The following WDR27 variants were observed in gnomAD, a reference collection of about 807,000 sequenced individuals.
WDR27 encodes the protein WD repeat-containing protein 27.
Under a neutral mutation model 114.4 loss-of-function variants are expected in WDR27, and 100 were observed. That is an observed-to-expected ratio of 0.87 (90% confidence interval 0.74 to 1.03). The LOEUF is 1.03. Among genes scored for constraint, WDR27 ranks in the 50% least tolerant of loss-of-function variants. The pLI, the probability that WDR27 is intolerant of heterozygous loss-of-function variation, is 0.00. For synonymous variants in WDR27, 449 were observed against 423.1 expected (o/e 1.06, Z -0.75); for missense variants, 1,129 against 1,092.9 (o/e 1.03, Z -0.47).
At chr6:169,430,966 G>A in the WDR27 span, among the ~76,000 whole-genome samples, 1,125 of 152,198 alleles carry the variant, frequency 7.4e-3, 11 homozygotes, top group South Asian at 0.012. Context: ...TCAAGAGACC[G>A]GGGGTGGGAG....
intron 23 of WDR27, among the ~76,000 whole-genome samples, chr6:169,592,373 G>A (rs1039150805): frequency 6.6e-6 from 1 of 151,974 alleles, no homozygotes; most frequent in African/African-American, 2.4e-5. Context: ...CTACACTTCT[G>A]GGGGAAAAAA....
intron 25 of WDR27, among the ~76,000 whole-genome samples, chr6:169,535,654 C>T (rs1346521900): frequency 6.6e-6 from 1 of 152,178 alleles, no homozygotes; most frequent in South Asian, 2.1e-4. Context: ...ACGACCATGT[C>T]GTTTAACTTA....
At chr6:169,471,463 G>A (rs541022542) in intron 25 of WDR27, among the ~76,000 whole-genome samples, 1 of 152,180 alleles carries the variant, frequency 6.6e-6, no homozygotes, top group South Asian at 2.1e-4. Flanking sequence ...TCATTTTCAT[G>A]AGTTTGATTT....
chr6:169,649,798 TCTCTCGC>T (rs1194283641), intron 14 of WDR27, among the ~76,000 whole-genome samples: 1 of 141,602 alleles, frequency 7.1e-6, no homozygotes, highest in Non-Finnish European at 1.5e-5. Flanking sequence ...CCATCTCTCA[TCTCTCGC>T]CATCCATCCC....
intron 13 of WDR27, among the ~76,000 whole-genome samples, chr6:169,655,804 C>T (rs1477423102): frequency 6.6e-6 from 1 of 152,168 alleles, no homozygotes; most frequent in African/African-American, 2.4e-5. Flanking sequence ...ACTGCAACCT[C>T]CACCTCCTGG....
At position 169,596,861 on chromosome 6, in the gene WDR27, T is replaced by C. The variant is rs545076543; in HGVS notation, c.2424+5358A>G. Among the ~76,000 whole-genome samples the C allele has an allele frequency of 5.9e-5, 9 of 152,274 alleles. No homozygotes were observed. The South Asian group carries it at 1.7e-3, about 28-fold the overall frequency. On this transcript the variant is annotated intron_variant, in intron 23 of 25. Coordinates refer to ENST00000448612, the MANE Select transcript of WDR27 (RefSeq NM_182552.5). ...TCATGATCATCAATAATCTGTTTTC[T>C]AGTCATTTCTAGTCATTAAGAGAAG...
intron 23 of WDR27, among the ~76,000 whole-genome samples, chr6:169,584,246 G>A (rs1018016821): frequency 6.6e-6 from 1 of 152,262 alleles, no homozygotes; most frequent in South Asian, 2.1e-4. Context: ...GCAAATGGCA[G>A]GCTATACCGT....
At chr6:169,635,630 C>T (rs1352189258) in intron 19 of WDR27, among the ~76,000 whole-genome samples, 1 of 152,192 alleles carries the variant, frequency 6.6e-6, no homozygotes, top group African/African-American at 2.4e-5. Flanking sequence ...GGATGGAAGC[C>T]CAACCCTTGG....
intron 14 of WDR27, among the ~76,000 whole-genome samples, chr6:169,650,325 C>T (rs577725654): frequency 1.8e-4 from 26 of 147,230 alleles, no homozygotes; most frequent in Admixed American, 6.7e-4. Flanking sequence ...CTCCATCCAC[C>T]CACCCACTCA....
intron 23 of WDR27, among the ~76,000 whole-genome samples, chr6:169,585,287 A>T (rs1163255863): frequency 6.6e-6 from 1 of 152,202 alleles, no homozygotes; most frequent in Non-Finnish European, 1.5e-5. Context: ...AAGTAAATAA[A>T]TGGGACTGCA....
chr6:169,585,609 T>C lies in WDR27; in HGVS notation c.2425-2675A>G, dbSNP rs1046369330. On this transcript the variant is annotated intron_variant, in intron 23 of 25. Coordinates refer to ENST00000448612, the MANE Select transcript of WDR27 (RefSeq NM_182552.5). ...AAACAATCAATTACCATATATTTCATATGCTATATGTATTAATACTTTATT... is the reference window on the plus strand; with the variant it reads ...AAACAATCAATTACCATATATTTCACATGCTATATGTATTAATACTTTATT... Among the ~76,000 whole-genome samples, 5 of 152,216 alleles carry C rather than the reference T, an allele frequency of 3.3e-5. No individual in the cohort carries two copies. In the East Asian group the frequency reaches 9.6e-4, roughly 29 times the overall value.
chr6:169,482,660 G>A (rs974120395), intron 25 of WDR27, among the ~76,000 whole-genome samples: 3 of 152,102 alleles, frequency 2.0e-5, no homozygotes, highest in African/African-American at 7.2e-5. Context: ...TTCAGGACTT[G>A]AACTCAACAC....
intron 24 of WDR27, among the ~76,000 whole-genome samples, chr6:169,576,279 G>A (rs1171926890): frequency 6.6e-6 from 1 of 152,228 alleles, no homozygotes; most frequent in African/African-American, 2.4e-5. Context: ...TGGGATGGTG[G>A]CCAGCCTCCA....
chr6:169,435,029 G>T, the WDR27 span, among the ~76,000 whole-genome samples: 1 of 152,218 alleles, frequency 6.6e-6, no homozygotes, highest in East Asian at 1.9e-4. Context: ...TTATGGACTT[G>T]GTGCCCTGTG....
downstream of WDR27, among the ~76,000 whole-genome samples, chr6:169,455,035 C>T (rs376021459): frequency 2.0e-5 from 3 of 152,244 alleles, no homozygotes; most frequent in East Asian, 5.8e-4. Flanking sequence ...GTGTCTGAAC[C>T]TGGACTTTCC....
At chr6:169,648,299 G>A (rs1006245766) in intron 15 of WDR27, among the ~76,000 whole-genome samples, 9 of 152,198 alleles carry the variant, frequency 5.9e-5, no homozygotes, top group Admixed American at 2.6e-4. Context: ...CCGTGCACAC[G>A]CCCGAGCCCT....
chr6:169,434,916 T>C, the WDR27 span, among the ~76,000 whole-genome samples: 1 of 152,172 alleles, frequency 6.6e-6, no homozygotes, highest in Non-Finnish European at 1.5e-5. Flanking sequence ...CTCCAGGACA[T>C]GTCAGAGGTC....
At chr6:169,515,564 A>G (rs1422755866) in intron 25 of WDR27, among the ~76,000 whole-genome samples, 1 of 152,130 alleles carries the variant, frequency 6.6e-6, no homozygotes, top group East Asian at 1.9e-4. Context: ...TACTTATTTT[A>G]AAAACTTAAG....
intron 23 of WDR27, among the ~76,000 whole-genome samples, chr6:169,588,586 G>A (rs1805095467): frequency 6.6e-6 from 1 of 152,142 alleles, no homozygotes; most frequent in Non-Finnish European, 1.5e-5. Context: ...TAAGGAAAGT[G>A]GAGAAATCAA....
Sources: allele counts gnomAD v4.1 joint callset (sites outside exome capture counted in the v4.1 genomes callset), GRCh38; gene constraint gnomAD v4.1.1; transcripts MANE v1.5; gene names NCBI Gene and HGNC (gene_info 2026-07-23, HGNC 2026-07-21).